Variants in RIMS1 observed in about 807,000 individuals in gnomAD.
RIMS1 encodes the protein regulating synaptic membrane exocytosis 1, also known as regulating synaptic membrane exocytosis protein 1.
In RIMS1, 83 loss-of-function variants were observed where a neutral mutation model predicts 214.1. That is an observed-to-expected ratio of 0.39 (90% CI 0.32 to 0.47). The LOEUF is 0.47. Among genes scored for constraint, RIMS1 ranks in the 20% least tolerant of loss-of-function variants. The pLI is 0.99. For missense variants in RIMS1, 2,050 were observed against 2,161.8 expected, an observed-to-expected ratio of 0.95 and a Z score of 1.03; for synonymous variants, 793 against 786.8, an observed-to-expected ratio of 1.01 and a Z score of -0.13.
intron 2 of RIMS1, among the ~76,000 whole-genome samples, chr6:72,073,633 G>A (rs1248705330): frequency 1.3e-5 from 2 of 152,202 alleles, no homozygotes; most frequent in African/African-American, 4.8e-5. Flanking sequence ...ACAAAGGGAA[G>A]CATGTTAACT....
At chr6:72,232,918 T>A (rs961957259) in intron 6 of RIMS1, among the ~76,000 whole-genome samples, 1 of 151,894 alleles carries the variant, frequency 6.6e-6, no homozygotes, top group African/African-American at 2.4e-5. Flanking sequence ...TTAACTAGCA[T>A]GCTTTACTCA....
At chr6:72,168,421 G>T (rs998070041) in intron 4 of RIMS1, among the ~76,000 whole-genome samples, 3 of 152,162 alleles carry the variant, frequency 2.0e-5, no homozygotes, top group Non-Finnish European at 2.9e-5. Context: ...TTGGACTGGG[G>T]TTTTATATGT....
At chr6:72,205,336 A>G (rs1285820929) in intron 6 of RIMS1, among the ~76,000 whole-genome samples, 1 of 152,208 alleles carries the variant, frequency 6.6e-6, no homozygotes. Flanking sequence ...TAGGAAGCTC[A>G]GACTGACAGC....
chr6:72,337,428 A>G (rs2096879436), intron 29 of RIMS1, among the ~76,000 whole-genome samples: 2 of 151,736 alleles, frequency 1.3e-5, no homozygotes, highest in African/African-American at 2.4e-5. Flanking sequence ...ATAAGTATTC[A>G]TGTTTCTAAG....
At chr6:72,036,547 A>G (rs1306709705) in intron 2 of RIMS1, among the ~76,000 whole-genome samples, 1 of 152,186 alleles carries the variant, frequency 6.6e-6, no homozygotes, top group Non-Finnish European at 1.5e-5. Context: ...ATCTACTTCC[A>G]TCCTCAGCTC....
intron 1 of RIMS1, among the ~76,000 whole-genome samples, chr6:71,959,821 AATG>A (rs1461393014): frequency 4.6e-5 from 7 of 152,146 alleles, no homozygotes; most frequent in Non-Finnish European, 1.5e-5. Flanking sequence ...GTAATTTTGA[AATG>A]ATGAACTGTG....
intron 2 of RIMS1, among the ~76,000 whole-genome samples, chr6:72,039,672 G>A (rs769934256): frequency 2.6e-5 from 4 of 151,898 alleles, no homozygotes; most frequent in Non-Finnish European, 4.4e-5. Context: ...TTTTTGTATC[G>A]GATATTCTAT....
chr6:72,240,461 A>G (rs2066259796), intron 9 of RIMS1, among the ~76,000 whole-genome samples: 1 of 151,456 alleles, frequency 6.6e-6, no homozygotes, highest in South Asian at 2.1e-4. Flanking sequence ...TTTTTAGTGT[A>G]TATATATATG....
intron 6 of RIMS1, among the ~76,000 whole-genome samples, chr6:72,190,226 G>A (rs1167520605): frequency 3.3e-5 from 5 of 152,112 alleles, no homozygotes; most frequent in Admixed American, 6.5e-5. Flanking sequence ...CACTTTGGGA[G>A]GCCGAGGTGG....
chr6:72,096,901 T>G (rs760597694), intron 2 of RIMS1, 48 bp from the exon 3 acceptor site: 1 of 1,462,066 alleles, frequency 6.8e-7, no homozygotes, highest in South Asian at 1.2e-5. Flanking sequence ...TTCTTGGTTT[T>G]GTCTTCCACT....
rs189684565 is a variant in RIMS1 at position 72,301,235 on chromosome 6, A to T, written c.3851-6023A>T. Among the ~76,000 whole-genome samples the T allele has an allele frequency of 2.0e-5, 3 of 151,822 alleles. No individual in the cohort carries two copies. In the East Asian group the frequency reaches 5.8e-4, roughly 29 times the overall value. ...TACTTGGAACATTTTTACACTTACAAGTTGAAAGGGGTCATTTTATTCCAA... is the reference window on the plus strand; with the variant it reads ...TACTTGGAACATTTTTACACTTACATGTTGAAAGGGGTCATTTTATTCCAA... On this transcript the variant is annotated intron_variant, in intron 26 of 33. Transcript: ENST00000521978.
chr6:72,239,057 T>C (rs796522540), intron 9 of RIMS1, among the ~76,000 whole-genome samples: 20 of 152,206 alleles, frequency 1.3e-4, no homozygotes, highest in African/African-American at 4.8e-4. Flanking sequence ...TATGATTCAG[T>C]AGGAAAATAA....
At chr6:71,919,931 C>G (rs72932145) in intron 1 of RIMS1, among the ~76,000 whole-genome samples, 142 of 152,276 alleles carry the variant, frequency 9.3e-4, no homozygotes, top group Non-Finnish European at 1.5e-3. Context: ...CACCACAACT[C>G]TGACTTCAAC....
At chr6:72,386,738 T>C (rs2098610157) in intron 29 of RIMS1, among the ~76,000 whole-genome samples, 1 of 147,566 alleles carries the variant, frequency 6.8e-6, no homozygotes, top group African/African-American at 2.5e-5. Flanking sequence ...TTTCTTTTTT[T>C]TTTTTTTTTT....
At chr6:72,024,552 G>T (rs1327779782) in intron 2 of RIMS1, among the ~76,000 whole-genome samples, 1 of 152,086 alleles carries the variant, frequency 6.6e-6, no homozygotes, top group East Asian at 1.9e-4. Context: ...TAATATCATT[G>T]TCAATATATT....
chr6:72,373,433 A>T (rs2098278749), intron 29 of RIMS1, among the ~76,000 whole-genome samples: 3 of 152,302 alleles, frequency 2.0e-5, no homozygotes, highest in Non-Finnish European at 1.5e-5. Flanking sequence ...AGTGTGGCTG[A>T]ACCAGAATCA....
chr6:72,270,281 G>A (rs937394909), intron 22 of RIMS1, among the ~76,000 whole-genome samples: 1 of 151,250 alleles, frequency 6.6e-6, no homozygotes, highest in African/African-American at 2.5e-5. Context: ...AATATTGGGG[G>A]AAAAATATTT....
chr6:72,400,452 G>A (rs1254206531), intron 33 of RIMS1, 44 bp from the exon 34 acceptor site: 2 of 1,547,406 alleles, frequency 1.3e-6, no homozygotes, highest in South Asian at 2.2e-5. Context: ...CGAATGTGAA[G>A]CAGAGAGAAG....
At chr6:72,165,249 C>T (rs765876464) in intron 4 of RIMS1, among the ~76,000 whole-genome samples, 1 of 152,160 alleles carries the variant, frequency 6.6e-6, no homozygotes, top group Non-Finnish European at 1.5e-5. Flanking sequence ...TTTGAAAATA[C>T]ACAAGTCTAC....
Sources: gnomAD v4.1 joint callset for allele counts (sites outside exome capture counted in the v4.1 genomes callset) on GRCh38, gnomAD v4.1.1 for gene constraint, MANE v1.5 for transcripts, NCBI Gene and HGNC (gene_info 2026-07-23, HGNC 2026-07-21) for gene names.